Variants in SINHCAF observed in about 807,000 individuals in gnomAD.
SINHCAF encodes the protein SIN3-HDAC complex associated factor.
Under a neutral mutation model 25.8 loss-of-function variants are expected in SINHCAF, and 3 were observed. That is an observed-to-expected ratio of 0.12 (90% CI 0.05 to 0.30). The LOEUF (loss-of-function observed/expected upper bound fraction) is 0.30. Ranked by LOEUF, SINHCAF falls within the 10% of genes least tolerant of loss-of-function variation. SINHCAF has a pLI of 1.00. For missense variants in SINHCAF, 121 were observed against 262.3 expected, an observed-to-expected ratio of 0.46 and a Z score of 3.72; for synonymous variants, 70 against 85.5, an observed-to-expected ratio of 0.82 and a Z score of 1.00.
rs1592962406 is a variant in SINHCAF at position 31,293,171 on chromosome 12, T to C, written c.355+634A>G. On this transcript the variant is annotated intron_variant, in intron 4 of 5. Coordinates refer to ENST00000337682, the MANE Select transcript of SINHCAF (RefSeq NM_001135812.2). ...CAAACCCCAAGGGTAATAGAGATAT[T>C]TATTAGACAATAACATTATATGCAG... Among the ~76,000 whole-genome samples, 3 of 152,344 alleles carry C rather than the reference T, an allele frequency of 2.0e-5. No homozygotes were observed. The East Asian group carries it at 5.8e-4, about 29-fold the overall frequency.
chr12:31,295,347 A>G lies in SINHCAF; in HGVS notation c.129-14T>C. 1.3e-6 allele frequency: 2 copies of G among 1,547,178 alleles called. No homozygotes were observed. Among genetic ancestry groups the G allele is most frequent in the Non-Finnish European group, 1.8e-6 (2 of 1,123,426 alleles). Reference sequence around the variant, plus strand: ...GTCTCATGCAATCTGATAAGAAAACAATCAAACCTTTATCAGTCTCCCTTA... The same window carrying G: ...GTCTCATGCAATCTGATAAGAAAACGATCAAACCTTTATCAGTCTCCCTTA... On this transcript the variant is annotated splice_polypyrimidine_tract_variant and intron_variant, in intron 2 of 5. Coordinates refer to ENST00000337682, the MANE Select transcript of SINHCAF (RefSeq NM_001135812.2).
At chr12:31,296,698 T>C (rs937788334) in intron 2 of SINHCAF, among the ~76,000 whole-genome samples, 19 of 151,566 alleles carry the variant, frequency 1.3e-4, no homozygotes, top group Non-Finnish European at 1.9e-4. Flanking sequence ...TACAAAAAAA[T>C]AGAAAAATTA....
At position 31,281,048 on chromosome 12, in the gene SINHCAF, C is replaced by G. The variant is rs1161304627; in HGVS notation, c.*1664G>C. On this transcript the variant is annotated 3_prime_UTR_variant, in exon 6 of 6. Transcript: ENST00000337682. ...TTAAGAACTATAAAACTACAGGGTGCCTATAAAAGGTGGCTTACTCCTTAT... is the reference window on the plus strand; with the variant it reads ...TTAAGAACTATAAAACTACAGGGTGGCTATAAAAGGTGGCTTACTCCTTAT... 6.6e-6 allele frequency: 1 copy of G among 151,962 alleles called. No individual in the cohort carries two copies. The highest frequency in any genetic ancestry group is 1.5e-5 in the Non-Finnish European group (1 of 67,974). The allele number at this position is 151,962 out of a possible 1,614,324, so 9.4% of individuals were successfully genotyped here. A position where few individuals can be genotyped will look rare whatever the true frequency, so the allele number is the denominator to read the frequency against.
chr12:31,310,751 A>G (rs1447428644), intron 1 of SINHCAF, among the ~76,000 whole-genome samples: 1 of 152,182 alleles, frequency 6.6e-6, no homozygotes, highest in Admixed American at 6.5e-5. Flanking sequence ...TATTGTTTTC[A>G]AAGTTGTCCA....
intron 5 of SINHCAF, among the ~76,000 whole-genome samples, chr12:31,286,662 CAAAAAAAAA>C (rs999169211): frequency 1.8e-5 from 1 of 55,218 alleles, no homozygotes; most frequent in Non-Finnish European, 4.1e-5. Flanking sequence ...AACTCCGTCT[CAAAAAAAAA>C]AAAAAAAAAG....
rs531017898 is a variant in SINHCAF, at chr12:31,319,228, C to T, written c.-21+6796G>A. Among the ~76,000 whole-genome samples the T allele has an allele frequency of 3.7e-4, 57 of 152,290 alleles. 2 individuals carry two copies. In the South Asian group the frequency reaches 0.012, roughly 31 times the overall value. The stretch of plus-strand genomic sequence containing the variant: ...CTTAACCTCACTAATCCTGTTTCCT[C>T]ATCTATAAAATAATGACAGGCCGGG... On this transcript the variant is annotated intron_variant, in intron 1 of 5. Transcript: ENST00000337682.
intron 1 of SINHCAF, among the ~76,000 whole-genome samples, chr12:31,306,156 CA>C (rs1045242584): frequency 1.3e-5 from 2 of 152,122 alleles, no homozygotes; most frequent in Non-Finnish European, 2.9e-5. Flanking sequence ...TTACCCAATG[CA>C]AAAACATGCA....
intron 3 of SINHCAF, 150 bp downstream of exon 3, chr12:31,295,084 G>A (rs895990066): frequency 6.8e-6 from 4 of 590,600 alleles, no homozygotes; most frequent in African/African-American, 1.9e-5. Flanking sequence ...AAAATGTTAG[G>A]CCATTATATC....
intron 2 of SINHCAF, among the ~76,000 whole-genome samples, chr12:31,295,920 C>T (rs1047388689): frequency 2.0e-5 from 3 of 151,792 alleles, no homozygotes; most frequent in African/African-American, 7.3e-5. Flanking sequence ...GTGGCTCACA[C>T]CTGTAATCCC....
intron 1 of SINHCAF, among the ~76,000 whole-genome samples, chr12:31,320,312 G>C (rs560876782): frequency 6.6e-6 from 1 of 152,266 alleles, no homozygotes; most frequent in Admixed American, 6.5e-5. Context: ...CCTCTACTCA[G>C]GCTGTTATTT....
At chr12:31,286,905 T>G (rs1422120539) in intron 5 of SINHCAF, among the ~76,000 whole-genome samples, 2 of 151,930 alleles carry the variant, frequency 1.3e-5, no homozygotes, top group Non-Finnish European at 2.9e-5. Flanking sequence ...ACTTGCCTAT[T>G]GTGGTTTGTT....
intron 1 of SINHCAF, among the ~76,000 whole-genome samples, chr12:31,306,317 A>T (rs531202690): frequency 6.6e-6 from 1 of 152,196 alleles, no homozygotes; most frequent in Non-Finnish European, 1.5e-5. Context: ...TAGATGGTAC[A>T]CTGTAAATCA....
intron 4 of SINHCAF, among the ~76,000 whole-genome samples, chr12:31,289,800 GT>G (rs11303569): frequency 0.5 from 73,431 of 146,352 alleles, 18,327 homozygotes; most frequent in Admixed American, 0.62. Flanking sequence ...GAAAATTTGG[GT>G]TTTTTTTTTT....
At chr12:31,292,486 G>A (rs991175566) in intron 4 of SINHCAF, among the ~76,000 whole-genome samples, 8 of 150,752 alleles carry the variant, frequency 5.3e-5, no homozygotes, top group Non-Finnish European at 7.4e-5. Flanking sequence ...GTGACAGAGC[G>A]AGACCCTGTT....
intron 1 of SINHCAF, chr12:31,311,562 G>A (rs536693440): frequency 1.2e-4 from 34 of 288,926 alleles, no homozygotes; most frequent in Non-Finnish European, 6.7e-5. Flanking sequence ...CACTGGGACC[G>A]AGCATGAGCA....
chr12:31,304,837 G>C (rs1269575722), intron 1 of SINHCAF: 1 of 152,186 alleles, frequency 6.6e-6, no homozygotes, highest in Non-Finnish European at 1.5e-5. Context: ...ACCCTGAAAA[G>C]TCAAGTGTAT....
chr12:31,319,159 T>C (rs1474312729), intron 1 of SINHCAF, among the ~76,000 whole-genome samples: 1 of 152,214 alleles, frequency 6.6e-6, no homozygotes, highest in Non-Finnish European at 1.5e-5. Context: ...AATGGATACA[T>C]GATAGTATAC....
At chr12:31,311,359 C>T (rs755423701) in intron 1 of SINHCAF, among the ~76,000 whole-genome samples, 2 of 152,110 alleles carry the variant, frequency 1.3e-5, no homozygotes, top group Non-Finnish European at 2.9e-5. Flanking sequence ...GTAGACAAGC[C>T]GATAAATGTC....
In SINHCAF at chr12:31,299,018, A is replaced by AAT. The variant is rs142985970; in HGVS notation, c.-20-796_-20-795dup. Among the ~76,000 whole-genome samples, 1,492 of 152,096 alleles carry AAT rather than the reference A, an allele frequency of 9.8e-3. 90 individuals carry two copies. In the East Asian group the frequency reaches 0.17, roughly 17 times the overall value. On this transcript the variant is annotated intron_variant, in intron 1 of 5. Coordinates refer to ENST00000337682, the MANE Select transcript of SINHCAF (RefSeq NM_001135812.2). ...CAAATGTCCCAGAGACGTAGAGTGA[A>AAT]ATAAATTGCAGTCCTCCTGTTAAAA...
Sources: allele counts gnomAD v4.1 joint callset (sites outside exome capture counted in the v4.1 genomes callset), GRCh38; gene constraint gnomAD v4.1.1; transcripts MANE v1.5; gene names NCBI Gene and HGNC (gene_info 2026-07-23, HGNC 2026-07-21).